The following VOPP1 variants were observed in gnomAD, a reference collection of about 807,000 sequenced individuals.
VOPP1 encodes VOPP1 WW domain binding protein.
A neutral mutation model predicts 23.5 loss-of-function variants in VOPP1; 8 were observed. The ratio of observed to expected loss-of-function variants is 0.34; its 90% CI spans 0.20 to 0.61. The LOEUF is 0.61. Among genes scored for constraint, VOPP1 ranks in the 20% least tolerant of loss-of-function variants. The pLI is 0.78. For missense variants in VOPP1, 174 were observed against 238.1 expected, an observed-to-expected ratio of 0.73 and a Z score of 1.77; for synonymous variants, 83 against 97.3, an observed-to-expected ratio of 0.85 and a Z score of 0.86.
chr7:55,520,912 T>A (rs1473857609), intron 2 of VOPP1, among the ~76,000 whole-genome samples, 160 bp downstream of exon 2: 1 of 152,170 alleles, frequency 6.6e-6, no homozygotes, highest in African/African-American at 2.4e-5. Context: ...GACACCACGG[T>A]GAGGTCACCT....
chr7:55,553,221 C>G (rs1404565), intron 1 of VOPP1, among the ~76,000 whole-genome samples: 146,619 of 152,344 alleles, frequency 0.96, 70,660 homozygotes, highest in East Asian at 1. Flanking sequence ...GCTGCAGTTC[C>G]TCTGTTATAC....
intron 1 of VOPP1, chr7:55,552,965 T>G: frequency 1.9e-6 from 1 of 532,922 alleles, no homozygotes; most frequent in Non-Finnish European, 2.9e-6. Flanking sequence ...GGAAAAGACA[T>G]GCAACCGAAA....
chr7:55,435,465 C>T (rs1790800229), downstream of VOPP1, among the ~76,000 whole-genome samples: 1 of 152,172 alleles, frequency 6.6e-6, no homozygotes. Context: ...GACTTTTCCA[C>T]ATCAGTGTCA....
At chr7:55,569,687 A>ATGTT (rs1443841677) in intron 1 of VOPP1, among the ~76,000 whole-genome samples, 4 of 152,238 alleles carry the variant, frequency 2.6e-5, no homozygotes, top group African/African-American at 9.6e-5. Flanking sequence ...CACTCTATGA[A>ATGTT]TGTTTAGTAA....
intron 1 of VOPP1, among the ~76,000 whole-genome samples, chr7:55,553,092 T>A (rs567372357): frequency 6.6e-6 from 1 of 152,374 alleles, no homozygotes; most frequent in East Asian, 1.9e-4. Flanking sequence ...CTGTCAATCT[T>A]CCTAAAATAA....
At chr7:55,493,424 AAAG>A (rs1430219962) in intron 3 of VOPP1, among the ~76,000 whole-genome samples, 6 of 152,264 alleles carry the variant, frequency 3.9e-5, no homozygotes, top group Admixed American at 3.3e-4. Flanking sequence ...TCCACATATA[AAAG>A]AAGCTCTTAA....
At chr7:55,549,758 A>G (rs1306248457) in intron 1 of VOPP1, among the ~76,000 whole-genome samples, 1 of 152,194 alleles carries the variant, frequency 6.6e-6, no homozygotes, top group African/African-American at 2.4e-5. Flanking sequence ...GCACACATCC[A>G]CTTAGACAAA....
intron 4 of VOPP1, among the ~76,000 whole-genome samples, chr7:55,438,055 C>T (rs1488130026): frequency 6.6e-6 from 1 of 152,004 alleles, no homozygotes; most frequent in Non-Finnish European, 1.5e-5. Flanking sequence ...GCGCCCCCAA[C>T]CTCACCCGGC....
At chr7:55,570,948 A>G (rs1798331345) in intron 1 of VOPP1, among the ~76,000 whole-genome samples, 1 of 152,150 alleles carries the variant, frequency 6.6e-6, no homozygotes, top group African/African-American at 2.4e-5. Flanking sequence ...TCTCAAAACT[A>G]AAGAAATAAA....
rs192173881 is a variant in VOPP1, at chr7:55,568,832, G to T, written c.54+3439C>A. On this transcript the variant is annotated intron_variant, in intron 1 of 4. Coordinates refer to ENST00000285279, the MANE Select transcript of VOPP1 (RefSeq NM_030796.5). ...GTTTCTAAGGAGTTACTGTGTGAAG[G>T]CCACTGAGAATAACTTCAGCAGGGC... 1.4e-3 allele frequency among the ~76,000 whole-genome samples: 209 copies of T among 152,198 alleles called. 4 individuals are homozygous for T. In the East Asian group the frequency reaches 0.029, roughly 21 times the overall value.
intron 3 of VOPP1, among the ~76,000 whole-genome samples, chr7:55,494,139 G>A (rs180750531): frequency 1.0e-3 from 153 of 152,288 alleles, no homozygotes; most frequent in Middle Eastern, 3.4e-3. Flanking sequence ...GACCCAAACC[G>A]TTCAGGAGTG....
intron 4 of VOPP1, among the ~76,000 whole-genome samples, chr7:55,445,278 G>GACAC (rs757378648): frequency 1.5e-5 from 1 of 65,174 alleles, no homozygotes; most frequent in African/African-American, 5.0e-5. Flanking sequence ...TACACACACA[G>GACAC]ACACACACAC....
At chr7:55,446,678 T>C (rs1791109353) in intron 4 of VOPP1, among the ~76,000 whole-genome samples, 1 of 152,190 alleles carries the variant, frequency 6.6e-6, no homozygotes, top group Admixed American at 6.5e-5. Flanking sequence ...GCCAGACTCA[T>C]ATATCAGAGT....
intron 1 of VOPP1, among the ~76,000 whole-genome samples, chr7:55,529,432 C>CA (rs1302449083): frequency 1.3e-5 from 2 of 150,508 alleles, no homozygotes; most frequent in African/African-American, 4.9e-5. Context: ...CTGCAAGACC[C>CA]AACACACATG....
Position 55,515,866 on chromosome 7 carries a change from T to C in VOPP1, c.113+5206A>G, listed in dbSNP as rs923554349. 4 of 670,734 alleles carry C rather than the reference T, an allele frequency of 6.0e-6. No individual in the cohort carries two copies. The African/African-American group carries it at 7.8e-5, about 13-fold the overall frequency. The allele number at this position is 670,734 out of a possible 1,614,324, so 41.5% of individuals were successfully genotyped here. On this transcript the variant is annotated intron_variant, in intron 2 of 4. Transcript: ENST00000285279. ...CGCCACCTTAGTCGGCAGCACTTTCTGGACTGACAGGGAAGTGTGCTGTTT... is the reference window on the plus strand; with the variant it reads ...CGCCACCTTAGTCGGCAGCACTTTCCGGACTGACAGGGAAGTGTGCTGTTT...
At chr7:55,538,043 G>A (rs899202395) in intron 1 of VOPP1, among the ~76,000 whole-genome samples, 10 of 152,174 alleles carry the variant, frequency 6.6e-5, no homozygotes, top group Middle Eastern at 3.2e-3. Flanking sequence ...CTCCAGCCTG[G>A]CCCGACCACA....
At chr7:55,460,016 C>A (rs948985361) in intron 4 of VOPP1, among the ~76,000 whole-genome samples, 1 of 152,008 alleles carries the variant, frequency 6.6e-6, no homozygotes, top group Non-Finnish European at 1.5e-5. Flanking sequence ...ATATACTTCC[C>A]TTTTAGCACT....
intron 2 of VOPP1, chr7:55,516,018 C>T (rs1433022084): frequency 2.0e-6 from 2 of 985,488 alleles, no homozygotes; most frequent in South Asian, 4.7e-5. Context: ...GCTGAGGAAG[C>T]GAGGCCCAAG....
intron 2 of VOPP1, among the ~76,000 whole-genome samples, chr7:55,502,946 G>A (rs1346980195): frequency 1.3e-5 from 2 of 152,124 alleles, no homozygotes. Context: ...AACTAAATCC[G>A]CTCCACAGCA....
Sources: allele counts gnomAD v4.1 joint callset (sites outside exome capture counted in the v4.1 genomes callset), GRCh38; gene constraint gnomAD v4.1.1; transcripts MANE v1.5; gene names NCBI Gene and HGNC (gene_info 2026-07-23, HGNC 2026-07-21).